Variants in DNAI4 observed in about 807,000 individuals in gnomAD.
DNAI4 encodes dynein axonemal intermediate chain 4.
Under a neutral mutation model 105.8 loss-of-function variants are expected in DNAI4, and 85 were observed. The observed-to-expected ratio is 0.80, with a 90% CI of 0.67 to 0.96. The LOEUF (loss-of-function observed/expected upper bound fraction) is 0.96. Ranked by LOEUF, DNAI4 falls within the 40% of genes least tolerant of loss-of-function variation. The pLI, the probability that DNAI4 is intolerant of heterozygous loss-of-function variation, is 0.00. For synonymous variants in DNAI4, 352 were observed against 331.5 expected (o/e 1.06, Z -0.67); for missense variants, 1,014 against 1,005.6 (o/e 1.01, Z -0.11).
At chr1:66,834,995 C>G (rs1201392018) in intron 11 of DNAI4, among the ~76,000 whole-genome samples, 1 of 152,106 alleles carries the variant, frequency 6.6e-6, no homozygotes, top group Non-Finnish European at 1.5e-5. Context: ...GGTATCTTGT[C>G]TATTACAAAA....
chr1:66,825,362 T>C (rs1002018124), intron 15 of DNAI4, among the ~76,000 whole-genome samples: 4 of 151,248 alleles, frequency 2.6e-5, no homozygotes, highest in Admixed American at 2.6e-4. Flanking sequence ...TTTGTATTTT[T>C]AGTAGAGACG....
intron 7 of DNAI4, among the ~76,000 whole-genome samples, chr1:66,854,425 T>C (rs1646457987): frequency 6.6e-6 from 1 of 151,884 alleles, no homozygotes; most frequent in African/African-American, 2.4e-5. Context: ...ATACAATTGC[T>C]TAAAAAAAAA....
At chr1:66,828,482 G>C (rs1645801196) in intron 13 of DNAI4, 1 of 152,092 alleles carries the variant, frequency 6.6e-6, no homozygotes, top group Non-Finnish European at 1.5e-5. Flanking sequence ...CATTCTATTA[G>C]ATGTAAAATT....
chr1:66,834,515 G>A (rs1645940357), intron 11 of DNAI4, among the ~76,000 whole-genome samples: 1 of 151,950 alleles, frequency 6.6e-6, no homozygotes, highest in African/African-American at 2.4e-5. Flanking sequence ...TGGAATATAA[G>A]TATTTTCATC....
chr1:66,847,224 T>G (rs1646295695), intron 8 of DNAI4, among the ~76,000 whole-genome samples: 1 of 152,216 alleles, frequency 6.6e-6, no homozygotes, highest in Admixed American at 6.5e-5. Context: ...AATCTGGAGA[T>G]TACATTTAGA....
rs138738321 is a variant in DNAI4, at chr1:66,893,359, G to T, written c.400C>A (p.Pro134Thr). 6.2e-5 allele frequency: 100 copies of T among 1,603,452 alleles called. No individual in the cohort carries two copies. The African/African-American group carries it at 6.9e-4, about 11-fold the overall frequency. The change falls in exon 3 of 17, where the codon CCA becomes ACA. Residue 134 changes from proline (P) to threonine (T), a missense_variant. Physicochemically the swap from Pro to Thr is conservative, Grantham distance 38 (BLOSUM62 -1). Coordinates refer to ENST00000371026, the MANE Select transcript of DNAI4 (RefSeq NM_024763.5). ...CTTGGTTTTGCTGTACCAGTAAGTG[G>T]ATCTGGATGGTAAAGAGGTCGGGGA... ...VTPRPLYHPD[P>T]LTGTAKPSKL... is the part of the protein sequence containing the mutation.
At chr1:66,897,074 T>G (rs1648397908) in intron 2 of DNAI4, among the ~76,000 whole-genome samples, 2 of 152,288 alleles carry the variant, frequency 1.3e-5, no homozygotes, top group Admixed American at 1.3e-4. Context: ...TTTTAATTGC[T>G]TAAGTGGTTG....
At chr1:66,818,690 G>A (rs771355446) in intron 16 of DNAI4, among the ~76,000 whole-genome samples, 1 of 152,078 alleles carries the variant, frequency 6.6e-6, no homozygotes, top group Admixed American at 6.5e-5. Context: ...AGGCCGAGGT[G>A]GGCGGATCAC....
intron 3 of DNAI4, 138 bp downstream of exon 3, chr1:66,893,091 A>AAG (rs1331095142): frequency 2.4e-6 from 1 of 417,898 alleles, no homozygotes; most frequent in Non-Finnish European, 4.1e-6. Context: ...GAAAGAAAGA[A>AAG]AGAAAGAAAG....
intron 7 of DNAI4, among the ~76,000 whole-genome samples, chr1:66,855,555 G>C (rs1416368524): frequency 2.6e-5 from 4 of 152,106 alleles, no homozygotes; most frequent in African/African-American, 9.7e-5. Context: ...AAAGAAGCTG[G>C]AGTAGCTATA....
At chr1:66,857,158 G>A (rs113343864) in intron 7 of DNAI4, among the ~76,000 whole-genome samples, 15 of 152,028 alleles carry the variant, frequency 9.9e-5, no homozygotes, top group African/African-American at 3.6e-4. Context: ...CTGATTCCAT[G>A]GACCTAAGAG....
intron 3 of DNAI4, among the ~76,000 whole-genome samples, chr1:66,892,126 T>A (rs1467020883): frequency 6.6e-6 from 1 of 152,224 alleles, no homozygotes; most frequent in African/African-American, 2.4e-5. Context: ...CTTAAACATA[T>A]GAACTTAGCA....
intron 15 of DNAI4, among the ~76,000 whole-genome samples, chr1:66,823,155 G>A (rs1262927946): frequency 1.5e-5 from 2 of 133,524 alleles, no homozygotes; most frequent in South Asian, 2.7e-4. Context: ...GACAATATGC[G>A]GTGTTTGGTT....
At chr1:66,845,402 C>G (rs78431823) in intron 8 of DNAI4, among the ~76,000 whole-genome samples, 9,799 of 152,144 alleles carry the variant, frequency 0.064, 423 homozygotes, top group Middle Eastern at 0.11. Context: ...GACTCTTATA[C>G]ATTGTTGTGG....
chr1:66,845,190 C>CAAAAAAAAAAAAAAAAAAAAAAAAA (rs59265844), intron 8 of DNAI4, among the ~76,000 whole-genome samples: 1 of 106,318 alleles, frequency 9.4e-6, no homozygotes, highest in Non-Finnish European at 1.8e-5. Flanking sequence ...AACTCCATCT[C>CAAAAAAAAAAAAAAAAAAAAAAAAA]AAAAAAAAAA....
rs757729757 is a variant in DNAI4, at chr1:66,825,122, G to GT, written c.2339+1697dup. On this transcript the variant is annotated intron_variant, in intron 15 of 16. Transcript: ENST00000371026. Reference sequence around the variant, plus strand: ...TAGATACATACATCTTATTGGTTCTGTTTCTCTGGAGATCCCTAACACAAC... The same window carrying GT: ...TAGATACATACATCTTATTGGTTCTGTTTTCTCTGGAGATCCCTAACACAAC... 4.1e-5 allele frequency among the ~76,000 whole-genome samples: 6 copies of GT among 147,616 alleles called. No homozygotes were observed. The South Asian group carries it at 1.3e-3, about 32-fold the overall frequency.
At chr1:66,897,442 A>G (rs1648426733) in intron 2 of DNAI4, among the ~76,000 whole-genome samples, 1 of 152,218 alleles carries the variant, frequency 6.6e-6, no homozygotes, top group African/African-American at 2.4e-5. Context: ...GGTGTGGCCC[A>G]GAAACCATTT....
intron 8 of DNAI4, among the ~76,000 whole-genome samples, chr1:66,841,493 C>T (rs1646147198): frequency 6.6e-6 from 1 of 152,142 alleles, no homozygotes; most frequent in Non-Finnish European, 1.5e-5. Flanking sequence ...TAATAATAAT[C>T]CACTGTCATT....
chr1:66,911,531 C>A (rs958732841), intron 1 of DNAI4, among the ~76,000 whole-genome samples: 1 of 152,126 alleles, frequency 6.6e-6, no homozygotes, highest in African/African-American at 2.4e-5. Context: ...ATGACTAACC[C>A]CCATCCTCAA....
Sources: gnomAD v4.1 joint callset for allele counts (sites outside exome capture counted in the v4.1 genomes callset) on GRCh38, gnomAD v4.1.1 for gene constraint, MANE v1.5 for transcripts, NCBI Gene and HGNC (gene_info 2026-07-23, HGNC 2026-07-21) for gene names.